KCNT2: variants seen among roughly 807,000 people sequenced by gnomAD.
KCNT2 encodes the protein potassium sodium-activated channel subfamily T member 2, also known as potassium channel subfamily T member 2.
In KCNT2, 67 loss-of-function variants were observed where a neutral mutation model predicts 153.8. The ratio of observed to expected loss-of-function variants is 0.44; its 90% CI spans 0.36 to 0.53. The LOEUF is 0.53. Ranked by LOEUF, KCNT2 falls within the 20% of genes least tolerant of loss-of-function variation. The pLI is 0.00. For missense variants in KCNT2, 975 were observed against 1,354.8 expected, an observed-to-expected ratio of 0.72 and a Z score of 4.40; for synonymous variants, 500 against 458.8, an observed-to-expected ratio of 1.09 and a Z score of -1.15.
intron 1 of KCNT2, among the ~76,000 whole-genome samples, chr1:196,543,753 G>C (rs1656694192): frequency 1.3e-5 from 2 of 152,082 alleles, no homozygotes; most frequent in African/African-American, 2.4e-5. Context: ...CCTATATGCT[G>C]TGAGGATATA....
At chr1:196,405,763 AT>A (rs1671779459) in intron 12 of KCNT2, among the ~76,000 whole-genome samples, 1 of 151,552 alleles carries the variant, frequency 6.6e-6, no homozygotes, top group Non-Finnish European at 1.5e-5. Context: ...CTTTGAGTAT[AT>A]CTTGCTAACT....
intron 21 of KCNT2, among the ~76,000 whole-genome samples, chr1:196,315,472 T>C (rs1347240189): frequency 6.6e-6 from 1 of 151,822 alleles, no homozygotes; most frequent in East Asian, 1.9e-4. Flanking sequence ...ATGACTTTGC[T>C]CCTAACATGG....
chr1:196,583,014 AATAT>A (rs1662251148), intron 1 of KCNT2, among the ~76,000 whole-genome samples: 1 of 152,102 alleles, frequency 6.6e-6, no homozygotes, highest in Non-Finnish European at 1.5e-5. Context: ...AAAATAGGTG[AATAT>A]CATGTGACAT....
chr1:196,435,135 G>GTATATATA (rs200431131), intron 8 of KCNT2, among the ~76,000 whole-genome samples: 4 of 76,868 alleles, frequency 5.2e-5, no homozygotes, highest in African/African-American at 1.9e-4. Context: ...GTGTGTGTGT[G>GTATATATA]TATGTATATA....
chr1:196,252,910 A>G lies in KCNT2; in HGVS notation c.3211+5284T>C, dbSNP rs1473818333. Among the ~76,000 whole-genome samples, 3 of 151,366 alleles carry G rather than the reference A, an allele frequency of 2.0e-5. No individual in the cohort carries two copies. In the East Asian group the frequency reaches 5.8e-4, roughly 29 times the overall value. On this transcript the variant is annotated intron_variant, in intron 26 of 27. Coordinates refer to ENST00000294725, the MANE Select transcript of KCNT2 (RefSeq NM_198503.5). ...TTTGTTTTGTAAAGTTTCTAACAAG[A>G]AGTCTGTTTACATTTTACCTATATT...
At chr1:196,566,234 A>T (rs1004112097) in intron 1 of KCNT2, among the ~76,000 whole-genome samples, 60 of 152,082 alleles carry the variant, frequency 3.9e-4, no homozygotes, top group Non-Finnish European at 7.4e-4. Context: ...ACAATGAAAA[A>T]ATGACCTTCC....
At chr1:196,344,503 A>T (rs974754850) in intron 14 of KCNT2, among the ~76,000 whole-genome samples, 1 of 152,148 alleles carries the variant, frequency 6.6e-6, no homozygotes, top group Admixed American at 6.6e-5. Flanking sequence ...AAATAAAGTT[A>T]TTTTTGTTTT....
At position 196,557,186 on chromosome 1, in the gene KCNT2, A is replaced by G. The variant is rs113456521; in HGVS notation, c.95+51029T>C. 1.5e-3 allele frequency among the ~76,000 whole-genome samples: 233 copies of G among 151,258 alleles called. 2 individuals carry two copies. Among genetic ancestry groups the G allele is most frequent in the African/African-American group, 5.4e-3 (225 of 41,406 alleles). On this transcript the variant is annotated intron_variant, in intron 1 of 27. Coordinates refer to ENST00000294725, the MANE Select transcript of KCNT2 (RefSeq NM_198503.5). The stretch of plus-strand genomic sequence containing the variant: ...AGAATAAATGCTTGAGGGTATAGAT[A>G]CCCTATTTTCCATGATGTGATTATT...
intron 13 of KCNT2, among the ~76,000 whole-genome samples, chr1:196,378,649 G>A (rs1056980420): frequency 4.0e-5 from 6 of 149,636 alleles, no homozygotes; most frequent in Non-Finnish European, 7.4e-5. Context: ...AAGAAACCAT[G>A]TACATTATGT....
At chr1:196,307,874 G>C (rs987101448) in intron 21 of KCNT2, among the ~76,000 whole-genome samples, 1 of 151,938 alleles carries the variant, frequency 6.6e-6, no homozygotes, top group South Asian at 2.1e-4. Context: ...GTAGGCCTGG[G>C]AAATGCCACC....
At chr1:196,301,933 T>G (rs552187398) in intron 22 of KCNT2, among the ~76,000 whole-genome samples, 2 of 152,022 alleles carry the variant, frequency 1.3e-5, no homozygotes, top group South Asian at 4.1e-4. Context: ...AGAGACAGGG[T>G]TTTACCATGT....
intron 27 of KCNT2, among the ~76,000 whole-genome samples, chr1:196,230,326 C>T (rs75219999): frequency 6.6e-6 from 1 of 151,938 alleles, no homozygotes; most frequent in African/African-American, 2.4e-5. Flanking sequence ...TGACTGGCAG[C>T]AAATCTGTTT....
chr1:196,316,774 G>T (rs1321547422), intron 20 of KCNT2, among the ~76,000 whole-genome samples: 1 of 151,498 alleles, frequency 6.6e-6, no homozygotes, highest in African/African-American at 2.4e-5. Context: ...TTCTCCCAAT[G>T]AATTAAAAGA....
At chr1:196,313,999 C>T (rs1662454701) in intron 21 of KCNT2, among the ~76,000 whole-genome samples, 1 of 151,604 alleles carries the variant, frequency 6.6e-6, no homozygotes, top group Non-Finnish European at 1.5e-5. Flanking sequence ...CAGCTAGGTA[C>T]TCAGAGTAAC....
chr1:196,360,564 G>C (rs901631283), intron 14 of KCNT2, among the ~76,000 whole-genome samples: 1 of 152,028 alleles, frequency 6.6e-6, no homozygotes, highest in African/African-American at 2.4e-5. Flanking sequence ...TTTGGAAATG[G>C]GCTCTTTGAG....
chr1:196,598,162 G>A (rs1346687553), intron 1 of KCNT2, among the ~76,000 whole-genome samples: 3 of 152,118 alleles, frequency 2.0e-5, no homozygotes, highest in Non-Finnish European at 2.9e-5. Flanking sequence ...AAACGTCTTA[G>A]TAAGTTAACT....
intron 16 of KCNT2, among the ~76,000 whole-genome samples, 164 bp downstream of exon 16, chr1:196,340,177 A>G: frequency 6.6e-6 from 1 of 152,006 alleles, no homozygotes. Flanking sequence ...AAAATTCACA[A>G]CTTAGAACTG....
At chr1:196,437,352 A>T (rs865796184) in intron 8 of KCNT2, among the ~76,000 whole-genome samples, 1 of 137,578 alleles carries the variant, frequency 7.3e-6, no homozygotes. Context: ...ATTTTTATTA[A>T]TATATTTTTA....
At chr1:196,569,985 CA>C (rs1445224270) in intron 1 of KCNT2, among the ~76,000 whole-genome samples, 1 of 148,060 alleles carries the variant, frequency 6.8e-6, no homozygotes, top group African/African-American at 2.6e-5. Flanking sequence ...CAAAGTCACT[CA>C]AGGGCTACAG....
Sources: allele counts gnomAD v4.1 joint callset (sites outside exome capture counted in the v4.1 genomes callset), GRCh38; gene constraint gnomAD v4.1.1; transcripts MANE v1.5; gene names NCBI Gene and HGNC (gene_info 2026-07-23, HGNC 2026-07-21).